PPP3CA: variants seen among roughly 807,000 people sequenced by gnomAD.
The protein encoded by PPP3CA is CAM-PRP catalytic subunit.
In PPP3CA, 14 loss-of-function variants were observed where a neutral mutation model predicts 66.5. That is an observed-to-expected ratio of 0.21 (90% CI 0.14 to 0.33). The LOEUF is 0.33. Ranked by LOEUF, PPP3CA falls within the 10% of genes least tolerant of loss-of-function variation. The probability of loss-of-function intolerance (pLI) is 1.00; values close to 1 mark genes in which losing one functional copy is unlikely to be tolerated. For missense variants in PPP3CA, 317 were observed against 639.5 expected, an observed-to-expected ratio of 0.50 and a Z score of 5.44; for synonymous variants, 232 against 226.2, an observed-to-expected ratio of 1.03 and a Z score of -0.23.
At chr4:101,211,026 A>G (rs549180924) in intron 1 of PPP3CA, among the ~76,000 whole-genome samples, 1 of 152,344 alleles carries the variant, frequency 6.6e-6, no homozygotes, top group East Asian at 1.9e-4. Context: ...GATGTAGTCA[A>G]TTCTTACGCA....
chr4:101,344,670 G>A (rs995640256), intron 1 of PPP3CA, among the ~76,000 whole-genome samples: 10 of 152,128 alleles, frequency 6.6e-5, no homozygotes, highest in African/African-American at 2.4e-4. Flanking sequence ...AGTAGCCTTG[G>A]AATGGTTGAG....
At chr4:101,243,158 C>A (rs1016022246) in intron 1 of PPP3CA, among the ~76,000 whole-genome samples, 14 of 152,190 alleles carry the variant, frequency 9.2e-5, no homozygotes, top group African/African-American at 2.9e-4. Flanking sequence ...TCCACTCCTG[C>A]TTTTTCATTC....
chr4:101,112,502 T>G (rs1348635523), intron 2 of PPP3CA, among the ~76,000 whole-genome samples: 1 of 152,118 alleles, frequency 6.6e-6, no homozygotes, highest in African/African-American at 2.4e-5. Flanking sequence ...TAGCCATAGG[T>G]CTGCTATAGA....
intron 2 of PPP3CA, among the ~76,000 whole-genome samples, chr4:101,154,525 AT>A (rs1560630167): frequency 6.6e-6 from 1 of 152,242 alleles, no homozygotes; most frequent in African/African-American, 2.4e-5. Flanking sequence ...GTTCCAACAC[AT>A]CTAAAAATTA....
intron 2 of PPP3CA, among the ~76,000 whole-genome samples, chr4:101,124,705 GAAAGAAAGAAAGAA>G (rs1722153040): frequency 4.1e-5 from 4 of 96,772 alleles, no homozygotes; most frequent in African/African-American, 1.8e-4. Context: ...AAGAAAGAAA[GAAAGAAAGAAAGAA>G]AGAAAGAGAA....
intron 2 of PPP3CA, among the ~76,000 whole-genome samples, chr4:101,134,534 C>T (rs1403355511): frequency 6.6e-6 from 1 of 152,138 alleles, no homozygotes; most frequent in Non-Finnish European, 1.5e-5. Context: ...ACAATGTCAT[C>T]TCACGCCAGT....
chr4:101,316,613 T>C (rs986522061), intron 1 of PPP3CA, among the ~76,000 whole-genome samples: 3 of 152,220 alleles, frequency 2.0e-5, no homozygotes, highest in Non-Finnish European at 2.9e-5. Flanking sequence ...CTAAAATTAT[T>C]CTTATATCCA....
rs1486094849 is a variant in PPP3CA, at chr4:101,229,601, T to C, written c.59-33485A>G. On this transcript the variant is annotated intron_variant, in intron 1 of 13. Coordinates refer to ENST00000394854, the MANE Select transcript of PPP3CA (RefSeq NM_000944.5). ...TGACTTGAAGAAACAACTAGGGAGT[T>C]TGGCAGTATGGTATTGGGTGAAAAA... Among the ~76,000 whole-genome samples the C allele has an allele frequency of 2.0e-5, 3 of 151,594 alleles. 1 individual carries two copies. Among genetic ancestry groups the C allele is most frequent in the South Asian group, 4.1e-4 (2 of 4,820 alleles).
chr4:101,208,942 G>A (rs1166498428), intron 1 of PPP3CA, among the ~76,000 whole-genome samples: 1 of 151,882 alleles, frequency 6.6e-6, no homozygotes, highest in Non-Finnish European at 1.5e-5. Context: ...ATTACATATC[G>A]GAGGAAGAAA....
intron 2 of PPP3CA, among the ~76,000 whole-genome samples, chr4:101,117,657 T>C (rs1302023778): frequency 6.6e-6 from 1 of 151,662 alleles, no homozygotes; most frequent in Non-Finnish European, 1.5e-5. Context: ...ATAATTACAA[T>C]ATATAATTAC....
Position 101,322,702 on chromosome 4 carries a change from C to A in PPP3CA, c.58+24037G>T, listed in dbSNP as rs113565887. Among the ~76,000 whole-genome samples the A allele has an allele frequency of 1.1e-4, 16 of 152,292 alleles. 1 individual carries two copies. The highest frequency in any genetic ancestry group is 3.6e-4 in the African/African-American group (15 of 41,564). ...TGGGATTAAAGACGTGAGCCAACTG[C>A]ACTTGGCCTCTACTTACATCTTGAT... On this transcript the variant is annotated intron_variant, in intron 1 of 13. Transcript: ENST00000394854.
At position 101,347,294 on chromosome 4, in the gene PPP3CA, C is replaced by A. The variant is rs1044472733; in HGVS notation, c.-498G>T. ...GTCAGTGCCACCAGCCGCACCTTGG[C>A]GTCCCCGGCGGCGGAGAGGCGGCCG... is the stretch of plus-strand genomic sequence containing the variant. On this transcript the variant is annotated 5_prime_UTR_variant, in exon 1 of 14. Transcript: ENST00000394854. The A allele has an allele frequency of 9.6e-6, 2 of 207,744 alleles. No individual in the cohort carries two copies. The highest frequency in any genetic ancestry group is 1.9e-5 in the Non-Finnish European group (2 of 107,040). The allele number at this position is 207,744 out of a possible 1,614,324, so 12.9% of individuals were successfully genotyped here. A position where few individuals can be genotyped will look rare whatever the true frequency, so the allele number is the denominator to read the frequency against.
At chr4:101,075,662 T>C (rs916012290) in intron 8 of PPP3CA, among the ~76,000 whole-genome samples, 2 of 152,310 alleles carry the variant, frequency 1.3e-5, no homozygotes, top group South Asian at 2.1e-4. Flanking sequence ...ATTGCAATTT[T>C]TGGCCAAACT....
intron 2 of PPP3CA, among the ~76,000 whole-genome samples, chr4:101,120,688 G>A (rs779156907): frequency 1.3e-5 from 2 of 151,932 alleles, no homozygotes; most frequent in Non-Finnish European, 2.9e-5. Flanking sequence ...AAAAATCTGA[G>A]AACTTAGATT....
intron 1 of PPP3CA, among the ~76,000 whole-genome samples, chr4:101,207,655 C>T (rs796418983): frequency 1.3e-5 from 2 of 152,012 alleles, no homozygotes; most frequent in Non-Finnish European, 2.9e-5. Context: ...GGTGAAACCC[C>T]GTCTCTACCA....
At chr4:101,340,333 T>C (rs988541356) in intron 1 of PPP3CA, among the ~76,000 whole-genome samples, 3 of 152,184 alleles carry the variant, frequency 2.0e-5, no homozygotes, top group South Asian at 4.1e-4. Flanking sequence ...TCTATTCCTC[T>C]CTATGATGGT....
intron 3 of PPP3CA, among the ~76,000 whole-genome samples, chr4:101,108,611 C>T (rs1721527787): frequency 6.6e-6 from 1 of 151,968 alleles, no homozygotes; most frequent in South Asian, 2.1e-4. Flanking sequence ...ACTAAAAATA[C>T]AAAAATTAAC....
At chr4:101,132,899 C>A (rs1722494173) in intron 2 of PPP3CA, among the ~76,000 whole-genome samples, 1 of 152,146 alleles carries the variant, frequency 6.6e-6, no homozygotes, top group South Asian at 2.1e-4. Context: ...AGCTTATCCA[C>A]CACGATAAAG....
chr4:101,269,734 C>T (rs1727278285), intron 1 of PPP3CA, among the ~76,000 whole-genome samples: 1 of 152,070 alleles, frequency 6.6e-6, no homozygotes, highest in African/African-American at 2.4e-5. Context: ...ACAAAGTATA[C>T]TGCTGGCATA....
Sources: gnomAD v4.1 joint callset for allele counts (sites outside exome capture counted in the v4.1 genomes callset) on GRCh38, gnomAD v4.1.1 for gene constraint, MANE v1.5 for transcripts, NCBI Gene and HGNC (gene_info 2026-07-23, HGNC 2026-07-21) for gene names.